WNK3: variants seen among roughly 807,000 people sequenced by gnomAD.
WNK3 encodes the protein WNK lysine deficient protein kinase 3.
A neutral mutation model predicts 116.7 loss-of-function variants in WNK3; 18 were observed. The observed-to-expected ratio is 0.15, with a 90% CI of 0.11 to 0.23. The LOEUF (loss-of-function observed/expected upper bound fraction) is 0.23. Ranked by LOEUF, WNK3 falls within the 10% of genes least tolerant of loss-of-function variation. The pLI is 1.00. For missense variants in WNK3, 993 were observed against 1,323.8 expected (o/e 0.75, Z 3.88); for synonymous variants, 404 against 469.4 (o/e 0.86, Z 1.80).
intron 10 of WNK3, among the ~76,000 whole-genome samples, chrX:54,285,523 C>A (rs1557163728): frequency 8.9e-6 from 1 of 112,712 alleles, no homozygotes; most frequent in African/African-American, 3.2e-5. Context: ...ATCAGGTGGG[C>A]AAGCCACAGC....
exon 17 of WNK3, chrX:54,248,860 A>T: frequency 8.3e-7 from 1 of 1,211,728 alleles, no homozygotes; most frequent in Non-Finnish European, 1.1e-6. Flanking sequence ...ACAGTGACTG[A>T]TGGCTATGAC....
intron 5 of WNK3, among the ~76,000 whole-genome samples, chrX:54,306,288 T>C (rs1382763485): frequency 9.0e-6 from 1 of 111,386 alleles, no homozygotes; most frequent in African/African-American, 3.3e-5. Flanking sequence ...GCAATTCTAC[T>C]TCTTGGTACA....
intron 1 of WNK3, among the ~76,000 whole-genome samples, chrX:54,356,860 C>CGGGG (rs2147367627): frequency 9.1e-6 from 1 of 110,228 alleles, no homozygotes; most frequent in South Asian, 4.0e-4. Context: ...GAGATACTCA[C>CGGGG]GTGCAGGATT....
At chrX:54,236,817 G>C in intron 20 of WNK3, 121 bp downstream of exon 20, 1 of 841,645 alleles carries the variant, frequency 1.2e-6, no homozygotes, top group Non-Finnish European at 1.6e-6. Flanking sequence ...TTTAGCATTA[G>C]CATTCTTTGT....
At chrX:54,278,697 C>CAA (rs201023292) in intron 10 of WNK3, among the ~76,000 whole-genome samples, 1 of 109,274 alleles carries the variant, frequency 9.2e-6, no homozygotes, top group Non-Finnish European at 1.9e-5. Context: ...ACTCCCTCCC[C>CAA]AAAAAAAAAC....
At chrX:54,255,784 G>C (rs372464064) in exon 12 of WNK3, 6 of 1,207,123 alleles carry the variant, frequency 5.0e-6, no homozygotes, top group Non-Finnish European at 6.7e-6. Context: ...TCTGGTCGGG[G>C]ACAGGAAGCT....
chrX:54,303,891 G>A (rs1416372987), intron 5 of WNK3, among the ~76,000 whole-genome samples: 1 of 110,944 alleles, frequency 9.0e-6, no homozygotes, highest in Non-Finnish European at 1.9e-5. Context: ...CTGCTCCTAC[G>A]TAAAAACAGT....
intron 22 of WNK3, 135 bp downstream of exon 22, chrX:54,228,579 C>G: frequency 3.1e-6 from 1 of 327,476 alleles, no homozygotes; most frequent in Non-Finnish European, 5.6e-6. Flanking sequence ...ATTCCAAAAT[C>G]AAATTGTGGT....
chrX:54,204,932 T>C (rs782056870), intron 22 of WNK3, among the ~76,000 whole-genome samples: 1 of 112,649 alleles, frequency 8.9e-6, no homozygotes, highest in Non-Finnish European at 1.9e-5. Context: ...AGAACATTTC[T>C]GGGGCTGGCA....
At chrX:54,212,599 A>T (rs1432232396) in intron 22 of WNK3, among the ~76,000 whole-genome samples, 7 of 112,438 alleles carry the variant, frequency 6.2e-5, no homozygotes, top group Non-Finnish European at 1.3e-4. Context: ...AACTGTACAT[A>T]AGCATTGTAT....
chrX:54,261,518 C>T (rs2068255702), intron 10 of WNK3, among the ~76,000 whole-genome samples: 1 of 111,268 alleles, frequency 9.0e-6, no homozygotes, highest in Non-Finnish European at 1.9e-5. Flanking sequence ...CTTGGTAAGT[C>T]TGTTTGTACA....
intron 1 of WNK3, among the ~76,000 whole-genome samples, chrX:54,351,785 A>C (rs782637248): frequency 1.7e-3 from 190 of 111,007 alleles, no homozygotes; most frequent in African/African-American, 6.0e-3. Context: ...GGTGGCACGC[A>C]CCTGTAGTCC....
rs797041632 is a variant in WNK3 at position 54,330,840 on chromosome X, TA to T, written c.537+2296del. Among the ~76,000 whole-genome samples, 34 of 100,249 alleles carry T rather than the reference TA, an allele frequency of 3.4e-4. No individual in the cohort carries two copies. The South Asian group carries it at 3.5e-3, about 10-fold the overall frequency. The allele number at this position is 100,249 out of a possible 115,157, so 87.1% of individuals were successfully genotyped here. On this transcript the variant is annotated intron_variant, in intron 2 of 23. Coordinates refer to ENST00000354646, the Ensembl canonical transcript of WNK3. ...ATGTATCCTAAAACTTAAAGTATAA[TA>T]AAAAAAAAATACAAAAACAAAATTA...
intron 21 of WNK3, among the ~76,000 whole-genome samples, chrX:54,231,906 A>T (rs1557148990): frequency 9.0e-6 from 1 of 110,803 alleles, no homozygotes; most frequent in East Asian, 2.8e-4. Flanking sequence ...GACCTGATTA[A>T]CAACTTCTAT....
intron 10 of WNK3, among the ~76,000 whole-genome samples, chrX:54,281,525 T>A (rs1288666827): frequency 3.6e-5 from 4 of 111,450 alleles, no homozygotes; most frequent in Admixed American, 9.6e-5. Context: ...ATTGCATCCC[T>A]AGAACTTATT....
intron 22 of WNK3, among the ~76,000 whole-genome samples, chrX:54,209,147 G>A (rs910720704): frequency 4.5e-5 from 5 of 111,610 alleles, no homozygotes; most frequent in African/African-American, 1.6e-4. Context: ...TTGCCAGCAG[G>A]CCTGTCTAAA....
At chrX:54,269,593 T>C (rs1557158771) in intron 10 of WNK3, among the ~76,000 whole-genome samples, 1 of 111,616 alleles carries the variant, frequency 9.0e-6, no homozygotes, top group Admixed American at 9.6e-5. Flanking sequence ...AATGAGTGCA[T>C]ATATTCACCA....
intron 2 of WNK3, among the ~76,000 whole-genome samples, chrX:54,317,448 C>T (rs1055044826): frequency 1.8e-5 from 2 of 109,457 alleles, no homozygotes; most frequent in Non-Finnish European, 3.8e-5. Context: ...TGTGAGCCAC[C>T]GCACCCGGCC....
intron 1 of WNK3, among the ~76,000 whole-genome samples, chrX:54,336,616 A>G (rs963665177): frequency 2.7e-5 from 3 of 111,305 alleles, no homozygotes; most frequent in African/African-American, 9.8e-5. Flanking sequence ...TGTGTATCAG[A>G]AGAAGCAGAC....
Sources: allele counts gnomAD v4.1 joint callset (sites outside exome capture counted in the v4.1 genomes callset), GRCh38; gene constraint gnomAD v4.1.1; transcripts MANE v1.5; gene names NCBI Gene and HGNC (gene_info 2026-07-23, HGNC 2026-07-21).